EPSTI1: variants seen among roughly 807,000 people sequenced by gnomAD.
EPSTI1 encodes the protein epithelial stromal interaction 1, also known as epithelial-stromal interaction protein 1.
EPSTI1 carries 66 observed loss-of-function variants against 49.9 expected under a neutral mutation model. The observed-to-expected ratio is 1.32, with a 90% CI of 1.08 to 1.62. EPSTI1 has a LOEUF of 1.62. Ranked by LOEUF, EPSTI1 falls within the 40% of genes most tolerant of loss-of-function variation. EPSTI1 has a pLI of 0.00. For missense variants in EPSTI1, 394 were observed against 365.5 expected (o/e 1.08, Z -0.64); for synonymous variants, 137 against 130.7 (o/e 1.05, Z -0.33).
chr13:42,953,991 G>C lies in EPSTI1; in HGVS notation c.520C>G (p.Gln174Glu). 1 of 1,612,734 alleles carries C rather than the reference G, an allele frequency of 6.2e-7. No individual in the cohort carries two copies. The highest frequency in any genetic ancestry group is 8.5e-7 in the Non-Finnish European group (1 of 1,179,818). The change falls in exon 6 of 11, where the codon CAA (glutamine) becomes GAA (glutamate). Residue 174 changes from glutamine to glutamate, a missense_variant. Transcript: ENST00000313624. ...SNKLEEKKRL[Q>E]ENLRREAFRE... is the part of the protein sequence containing the mutation. ...AATGCTTCTCTTCTAAGGTTTTCTTGAAGTCTTTTTTTCTCCTCCAGTTTA... is the reference window on the plus strand; with the variant it reads ...AATGCTTCTCTTCTAAGGTTTTCTTCAAGTCTTTTTTTCTCCTCCAGTTTA...
At chr13:42,930,559 G>A (rs1315132196) in intron 6 of EPSTI1, among the ~76,000 whole-genome samples, 2 of 152,188 alleles carry the variant, frequency 1.3e-5, no homozygotes, top group African/African-American at 4.8e-5. Flanking sequence ...AAACATGAAA[G>A]TGAGTAGTAA....
intron 5 of EPSTI1, among the ~76,000 whole-genome samples, chr13:42,962,204 T>A (rs1458472966): frequency 6.6e-6 from 1 of 152,178 alleles, no homozygotes; most frequent in Non-Finnish European, 1.5e-5. Flanking sequence ...TTTAAATTTA[T>A]GCTCCTCGAG....
At chr13:42,909,647 G>A (rs1242880849) in intron 8 of EPSTI1, among the ~76,000 whole-genome samples, 2 of 151,830 alleles carry the variant, frequency 1.3e-5, no homozygotes, top group Non-Finnish European at 2.9e-5. Flanking sequence ...TGAACCCAGA[G>A]GACATTATGT....
intron 5 of EPSTI1, among the ~76,000 whole-genome samples, chr13:42,959,242 T>G (rs2039369828): frequency 6.6e-6 from 1 of 152,212 alleles, no homozygotes; most frequent in Non-Finnish European, 1.5e-5. Flanking sequence ...ATTTTAGAGA[T>G]ACTAACATTA....
chr13:42,925,708 C>G (rs1208575719), intron 7 of EPSTI1, among the ~76,000 whole-genome samples: 2 of 152,190 alleles, frequency 1.3e-5, no homozygotes, highest in Non-Finnish European at 1.5e-5. Context: ...GCATTTATAC[C>G]TTAATTCTTG....
chr13:42,988,552 G>A (rs1238771089), intron 1 of EPSTI1, among the ~76,000 whole-genome samples: 2 of 152,108 alleles, frequency 1.3e-5, no homozygotes, highest in East Asian at 1.9e-4. Flanking sequence ...CCAATGTGGC[G>A]AAACCCCGTC....
chr13:42,933,922 T>G (rs1427676424), intron 6 of EPSTI1: 1 of 154,322 alleles, frequency 6.5e-6, no homozygotes, highest in African/African-American at 2.4e-5. Context: ...TTATGACCTG[T>G]TTTTGCTAGA....
At chr13:42,917,456 TA>T in intron 8 of EPSTI1, 84 bp downstream of exon 8, 1 of 1,158,786 alleles carries the variant, frequency 8.6e-7, no homozygotes, top group Non-Finnish European at 1.3e-6. Context: ...TTCATGTGTC[TA>T]AATATTTCTG....
At chr13:42,944,093 T>C (rs547896987) in intron 6 of EPSTI1, among the ~76,000 whole-genome samples, 1 of 152,322 alleles carries the variant, frequency 6.6e-6, no homozygotes, top group South Asian at 2.1e-4. Context: ...GGTTCAACCA[T>C]TGTGGAAGAC....
At chr13:42,939,200 G>A (rs1372496852) in intron 6 of EPSTI1, among the ~76,000 whole-genome samples, 1 of 152,176 alleles carries the variant, frequency 6.6e-6, no homozygotes, top group African/African-American at 2.4e-5. Context: ...TGGCTGGTCT[G>A]ATCTTCTATC....
At chr13:42,924,012 A>T (rs754750372) in intron 7 of EPSTI1, among the ~76,000 whole-genome samples, 1 of 152,226 alleles carries the variant, frequency 6.6e-6, no homozygotes, top group African/African-American at 2.4e-5. Flanking sequence ...TTCACATTCT[A>T]TAAGTTGACC....
chr13:42,894,234 G>A (rs1168018306), intron 10 of EPSTI1, among the ~76,000 whole-genome samples: 1 of 152,152 alleles, frequency 6.6e-6, no homozygotes, highest in Non-Finnish European at 1.5e-5. Flanking sequence ...GATTTTCTAG[G>A]TCAGCAAGCA....
At chr13:42,913,394 G>A (rs1171617548) in intron 8 of EPSTI1, among the ~76,000 whole-genome samples, 1 of 152,060 alleles carries the variant, frequency 6.6e-6, no homozygotes, top group Admixed American at 6.6e-5. Context: ...AACTGGTAGA[G>A]GAATTACTAG....
chr13:42,911,901 G>T (rs758652188), intron 8 of EPSTI1, among the ~76,000 whole-genome samples: 1 of 151,854 alleles, frequency 6.6e-6, no homozygotes, highest in Non-Finnish European at 1.5e-5. Flanking sequence ...TTTTAGTATT[G>T]AATGGATTAA....
intron 3 of EPSTI1, 73 bp downstream of exon 3, chr13:42,969,021 A>G: frequency 1.4e-6 from 2 of 1,418,532 alleles, no homozygotes; most frequent in Non-Finnish European, 2.0e-6. Context: ...ACAGACAGAC[A>G]TATGCAAGCT....
intron 6 of EPSTI1, among the ~76,000 whole-genome samples, chr13:42,928,410 C>A (rs756548786): frequency 2.0e-5 from 3 of 152,144 alleles, no homozygotes; most frequent in Non-Finnish European, 2.9e-5. Context: ...GGAAGTCCAA[C>A]TGGACTAAGA....
At chr13:42,933,898 G>A (rs12868745) in intron 6 of EPSTI1, 18,568 of 153,384 alleles carry the variant, frequency 0.12, 1,433 homozygotes, top group Non-Finnish European at 0.17. Flanking sequence ...TGGCTTTGGT[G>A]CTAGTTGGTT....
intron 8 of EPSTI1, among the ~76,000 whole-genome samples, chr13:42,901,516 T>G (rs2037351235): frequency 6.6e-6 from 1 of 152,220 alleles, no homozygotes; most frequent in African/African-American, 2.4e-5. Context: ...CAATGAATAA[T>G]ATTTGTCCAC....
At chr13:42,912,617 T>C (rs1050491775) in intron 8 of EPSTI1, among the ~76,000 whole-genome samples, 1 of 152,236 alleles carries the variant, frequency 6.6e-6, no homozygotes, top group Non-Finnish European at 1.5e-5. Flanking sequence ...AGAAAACTTA[T>C]GTTTGTATAG....
Sources: allele counts gnomAD v4.1 joint callset (sites outside exome capture counted in the v4.1 genomes callset), GRCh38; gene constraint gnomAD v4.1.1; transcripts MANE v1.5; gene names NCBI Gene and HGNC (gene_info 2026-07-23, HGNC 2026-07-21).